PTPRD: variants seen among roughly 807,000 people sequenced by gnomAD.
PTPRD encodes protein tyrosine phosphatase receptor type D.
Under a neutral mutation model 214.5 loss-of-function variants are expected in PTPRD, and 34 were observed. That is an observed-to-expected ratio of 0.16 (90% CI 0.12 to 0.21). PTPRD has a LOEUF of 0.21. Ranked by LOEUF, PTPRD falls within the 10% of genes least tolerant of loss-of-function variation. The probability of loss-of-function intolerance (pLI) is 1.00; values close to 1 mark genes in which losing one functional copy is unlikely to be tolerated. For missense variants in PTPRD, 2,545 were observed against 2,398.7 expected, an observed-to-expected ratio of 1.06 and a Z score of -1.27; for synonymous variants, 1,128 against 845.7, an observed-to-expected ratio of 1.33 and a Z score of -5.79.
chr9:9,662,117 A>C (rs2096632961), intron 7 of PTPRD, among the ~76,000 whole-genome samples: 1 of 151,754 alleles, frequency 6.6e-6, no homozygotes, highest in African/African-American at 2.4e-5. Flanking sequence ...CTTCTCATTG[A>C]GAGTAAAGAA....
chr9:9,883,151 C>A (rs919146585), intron 5 of PTPRD, among the ~76,000 whole-genome samples: 11 of 151,994 alleles, frequency 7.2e-5, no homozygotes, highest in African/African-American at 2.2e-4. Flanking sequence ...AATGAACAAA[C>A]CCCCCAAGAG....
At chr9:10,584,022 G>C (rs1249499406) in intron 2 of PTPRD, among the ~76,000 whole-genome samples, 1 of 152,068 alleles carries the variant, frequency 6.6e-6, no homozygotes, top group African/African-American at 2.4e-5. Flanking sequence ...GCTTTCCTCT[G>C]TTAGTGAATT....
At chr9:8,828,585 T>C (rs2097219667) in intron 11 of PTPRD, among the ~76,000 whole-genome samples, 1 of 152,206 alleles carries the variant, frequency 6.6e-6, no homozygotes, top group Non-Finnish European at 1.5e-5. Flanking sequence ...TTATGCTTGT[T>C]AGTAGTACTC....
At chr9:9,765,687 G>A (rs1451056767) in intron 6 of PTPRD, among the ~76,000 whole-genome samples, 1 of 152,176 alleles carries the variant, frequency 6.6e-6, no homozygotes, top group Non-Finnish European at 1.5e-5. Context: ...TTGAGACGGA[G>A]TCTCGCTCTG....
At chr9:10,121,833 G>T (rs1033139570) in intron 3 of PTPRD, among the ~76,000 whole-genome samples, 6 of 152,014 alleles carry the variant, frequency 3.9e-5, no homozygotes, top group African/African-American at 1.2e-4. Flanking sequence ...CCAACCATGA[G>T]GATTGAGGGT....
At chr9:10,444,767 T>A (rs1414673844) in intron 2 of PTPRD, among the ~76,000 whole-genome samples, 2 of 151,914 alleles carry the variant, frequency 1.3e-5, no homozygotes, top group Admixed American at 6.6e-5. Context: ...TAAAAGTGTA[T>A]CATGATTTTG....
intron 14 of PTPRD, among the ~76,000 whole-genome samples, chr9:8,614,439 C>T (rs1004790480): frequency 2.0e-5 from 3 of 152,084 alleles, no homozygotes; most frequent in African/African-American, 4.8e-5. Flanking sequence ...TGCCTGTATT[C>T]AGTTTGATAA....
chr9:10,607,980 T>C (rs1018111000), intron 2 of PTPRD, among the ~76,000 whole-genome samples: 1 of 152,022 alleles, frequency 6.6e-6, no homozygotes, highest in Admixed American at 6.6e-5. Context: ...TGAACAAGGA[T>C]GGAAAACCTC....
intron 43 of PTPRD, 68 bp downstream of exon 43, chr9:8,338,854 A>G: frequency 1.4e-6 from 2 of 1,469,138 alleles, no homozygotes; most frequent in Non-Finnish European, 1.8e-6. Flanking sequence ...TCCCAGAGAG[A>G]GAGAGAGAGA....
chr9:8,511,321 T>G, intron 21 of PTPRD, among the ~76,000 whole-genome samples: 1 of 152,246 alleles, frequency 6.6e-6, no homozygotes, highest in South Asian at 2.1e-4. Flanking sequence ...TCCTTCCACC[T>G]CGACCACTCA....
intron 8 of PTPRD, among the ~76,000 whole-genome samples, chr9:9,459,372 G>C (rs1214180536): frequency 1.3e-5 from 2 of 151,994 alleles, no homozygotes; most frequent in African/African-American, 4.8e-5. Flanking sequence ...GCTAGAGAAA[G>C]AAATAAAAGG....
rs541130192 is a variant in PTPRD at position 10,592,275 on chromosome 9, TGTG to T, written c.-600+20120_-600+20122del. ...TCCTAGAAGGTCCCAGGATGACATA[TGTG>T]AGCCAGTAGACTAAATCTCACCAAA... On this transcript the variant is annotated intron_variant, in intron 2 of 45. Transcript: ENST00000381196. Among the ~76,000 whole-genome samples the T allele has an allele frequency of 9.4e-3, 1,431 of 152,080 alleles. 28 individuals are homozygous for T. The highest frequency in any genetic ancestry group is 0.032 in the African/African-American group (1,347 of 41,522).
chr9:9,307,140 G>A (rs896713936), intron 9 of PTPRD, among the ~76,000 whole-genome samples: 2 of 152,120 alleles, frequency 1.3e-5, no homozygotes, highest in African/African-American at 4.8e-5. Flanking sequence ...AAAGCTTTAT[G>A]GAAGCTAAAC....
chr9:10,359,174 T>C (rs1032841854), intron 2 of PTPRD, among the ~76,000 whole-genome samples: 1 of 152,048 alleles, frequency 6.6e-6, no homozygotes, highest in African/African-American at 2.4e-5. Flanking sequence ...TAATATTCAT[T>C]GTTCAGCCAT....
chr9:9,828,026 A>T (rs1598950304), intron 5 of PTPRD, among the ~76,000 whole-genome samples: 1 of 152,166 alleles, frequency 6.6e-6, no homozygotes, highest in Admixed American at 6.6e-5. Context: ...GAGGATGTGG[A>T]GAAATAGGAA....
intron 3 of PTPRD, among the ~76,000 whole-genome samples, chr9:10,209,863 T>A (rs535144883): frequency 9.2e-5 from 14 of 152,284 alleles, no homozygotes; most frequent in African/African-American, 3.4e-4. Context: ...TCCTTCCATA[T>A]ATGAGAACAT....
At chr9:8,935,679 G>GC (rs774530320) in intron 11 of PTPRD, among the ~76,000 whole-genome samples, 7 of 152,150 alleles carry the variant, frequency 4.6e-5, no homozygotes, top group East Asian at 3.9e-4. Context: ...ACTGGGGAAG[G>GC]CCCCCCACAG....
At chr9:10,408,885 A>G (rs1333335157) in intron 2 of PTPRD, among the ~76,000 whole-genome samples, 1 of 151,730 alleles carries the variant, frequency 6.6e-6, no homozygotes, top group African/African-American at 2.4e-5. Flanking sequence ...TATGTTAGAT[A>G]TTGTTATTTT....
intron 10 of PTPRD, among the ~76,000 whole-genome samples, chr9:9,025,733 C>G (rs1015349665): frequency 2.0e-5 from 3 of 151,804 alleles, no homozygotes; most frequent in Non-Finnish European, 2.9e-5. Context: ...GTCACATGAT[C>G]TTGGGGAAGT....
Sources: gnomAD v4.1 joint callset for allele counts (sites outside exome capture counted in the v4.1 genomes callset) on GRCh38, gnomAD v4.1.1 for gene constraint, MANE v1.5 for transcripts, NCBI Gene and HGNC (gene_info 2026-07-23, HGNC 2026-07-21) for gene names.